The following PFKM variants were observed in gnomAD, a reference collection of about 807,000 sequenced individuals.
PFKM encodes phosphofructokinase, muscle, also known as ATP-dependent 6-phosphofructokinase, muscle type.
Under a neutral mutation model 95.5 loss-of-function variants are expected in PFKM, and 58 were observed. The observed-to-expected ratio is 0.61, with a 90% confidence interval of 0.49 to 0.76. PFKM has a LOEUF of 0.76. PFKM is among the 30% of genes least tolerant of loss of function. The pLI is 0.00. For missense variants in PFKM, 678 were observed against 1,005.4 expected, an observed-to-expected ratio of 0.67 and a Z score of 4.40; for synonymous variants, 336 against 357.2, an observed-to-expected ratio of 0.94 and a Z score of 0.67.
In PFKM at chr12:48,145,715, C is replaced by T. The variant is rs1592833899; in HGVS notation, c.*7C>T. 1 of 1,613,996 alleles carries T rather than the reference C, an allele frequency of 6.2e-7. No homozygotes were observed. Among genetic ancestry groups the T allele is most frequent in the Non-Finnish European group, 8.5e-7 (1 of 1,179,860 alleles). On this transcript the variant is annotated 3_prime_UTR_variant, in exon 23 of 23. Transcript: ENST00000359794. The surrounding 1 kb of genome is among the most constrained non-coding windows in gnomAD (Gnocchi z 4.3). Reference sequence around the variant, plus strand: ...CGGGGAAGCTGCCGTCTAAACCTCTCTGGAGTGAGGGGAATAGATTACCTG... The same window carrying T: ...CGGGGAAGCTGCCGTCTAAACCTCTTTGGAGTGAGGGGAATAGATTACCTG...
At chr12:48,105,810 G>A (rs183870969), upstream of PFKM, 3 of 593,934 alleles carry the variant, frequency 5.1e-6, no homozygotes, top group Non-Finnish European at 9.0e-6. Context: ...AACGGCCTCA[G>A]GTAGCCTAAC....
intron 3 of PFKM, among the ~76,000 whole-genome samples, chr12:48,114,353 A>G (rs1351082739): frequency 6.6e-6 from 1 of 152,210 alleles, no homozygotes; most frequent in Non-Finnish European, 1.5e-5. Context: ...AAAAAGGCAC[A>G]TGTACCCTGA....
At chr12:48,127,608 T>C (rs1229552070) in intron 2 of PFKM, among the ~76,000 whole-genome samples, 1 of 152,212 alleles carries the variant, frequency 6.6e-6, no homozygotes, top group African/African-American at 2.4e-5. Context: ...ATGCTACTCT[T>C]CCAGTTCAGG....
intron 3 of PFKM, among the ~76,000 whole-genome samples, chr12:48,112,853 T>C (rs1038700051): frequency 6.6e-6 from 1 of 152,084 alleles, no homozygotes; most frequent in Non-Finnish European, 1.5e-5. Flanking sequence ...CTTTAATCCT[T>C]TTAAAGTGTG....
At chr12:48,119,347 C>T (rs1195480828), upstream of PFKM, 1 of 984,652 alleles carries the variant, frequency 1.0e-6, no homozygotes, top group Non-Finnish European at 1.2e-6. Context: ...ATCACCCCTC[C>T]CCCCTTTCCC....
intron 2 of PFKM, chr12:48,108,065 T>A (rs775500085): frequency 6.3e-7 from 1 of 1,599,194 alleles, no homozygotes; most frequent in African/African-American, 1.3e-5. Context: ...AAGCTATTGT[T>A]TCTCAGCTGG....
intron 11 of PFKM, 45 bp downstream of exon 11, chr12:48,137,891 T>G (rs1389153468): frequency 1.2e-6 from 2 of 1,611,026 alleles, no homozygotes; most frequent in African/African-American, 2.7e-5. Context: ...CTCAAGCCCC[T>G]GCCTTGGAGC....
upstream of PFKM, among the ~76,000 whole-genome samples, chr12:48,115,306 G>C (rs564638593): frequency 6.6e-6 from 1 of 152,324 alleles, no homozygotes; most frequent in East Asian, 1.9e-4. Flanking sequence ...CAACGAGGCT[G>C]TTTATTTCAC....
intron 17 of PFKM, 152 bp downstream of exon 17, chr12:48,142,218 A>C: frequency 2.4e-6 from 2 of 835,038 alleles, no homozygotes; most frequent in Non-Finnish European, 3.9e-6. Context: ...CACACTTCTA[A>C]TCCCAGCACT....
intron 3 of PFKM, chr12:48,108,266 T>A: frequency 6.9e-7 from 1 of 1,456,530 alleles, no homozygotes; most frequent in Non-Finnish European, 9.4e-7. Context: ...TGCATAGTAT[T>A]ATAAATCAGC....
chr12:48,142,427 C>T (rs1430301454), intron 17 of PFKM: 3 of 429,312 alleles, frequency 7.0e-6, no homozygotes, highest in African/African-American at 2.0e-5. Flanking sequence ...GAGCAGAGAT[C>T]GTGCCACTTT....
At position 48,137,781 on chromosome 12, in the gene PFKM, G is replaced by C; in HGVS notation, c.997G>C (p.Ala333Pro). Residue 333 changes from alanine (A) to proline (P), a missense_variant, in exon 11 of 23, where the codon GCC becomes CCC. Physicochemically the swap from Ala to Pro is conservative, Grantham distance 27 (BLOSUM62 -1). Transcript: ENST00000359794. ...ALLEGTPDTP[A>P]CVVSLSGNQA... is the part of the protein sequence containing the mutation. ...TTTGGAGGGGACCCCAGATACCCCA[G>C]CCTGTGTAGTGAGCCTCTCTGGTAA... 1 of 1,614,178 alleles carries C rather than the reference G, an allele frequency of 6.2e-7. No individual in the cohort carries two copies. The highest frequency in any genetic ancestry group is 8.5e-7 in the Non-Finnish European group (1 of 1,179,994).
intron 20 of PFKM, 46 bp from the exon 21 acceptor site, chr12:48,144,985 T>C (rs1950904534): frequency 7.5e-7 from 1 of 1,331,012 alleles, no homozygotes; most frequent in Non-Finnish European, 1.1e-6. Flanking sequence ...TCTCTGCCAC[T>C]TCATTAGAGT....
In PFKM at chr12:48,124,152, ATATT is replaced by A. The variant is rs544222072; in HGVS notation, c.85+1298_85+1301del. On this transcript the variant is annotated intron_variant, in intron 2 of 22. Coordinates refer to ENST00000359794, the MANE Select transcript of PFKM (RefSeq NM_000289.6). Reference sequence around the variant, plus strand: ...TAGTAAAGCTAGACTTTTTAAACTAATATTTATTATAATTGTGATATAGGTTATG... The same window carrying A: ...TAGTAAAGCTAGACTTTTTAAACTAATATTATAATTGTGATATAGGTTATG... Among the ~76,000 whole-genome samples, 439 of 152,288 alleles carry A rather than the reference ATATT, an allele frequency of 2.9e-3. 1 individual carries two copies. The highest frequency in any genetic ancestry group is 0.017 in the Middle Eastern group (5 of 294).
At chr12:48,108,144 A>G (rs1354836965) in exon 3 of PFKM, 4 of 1,599,320 alleles carry the variant, frequency 2.5e-6, no homozygotes, top group Non-Finnish European at 3.4e-6. Flanking sequence ...AAGAGTCTAG[A>G]TACTATGGAT....
chr12:48,107,349 C>CT, intron 1 of PFKM: 1 of 1,515,966 alleles, frequency 6.6e-7, no homozygotes, highest in East Asian at 2.3e-5. Flanking sequence ...GGATTAAACT[C>CT]TGTCTCTATT....
In PFKM at chr12:48,120,843, G is replaced by A. The variant is rs372838189; in HGVS notation, c.-9+1437G>A. 9.2e-5 allele frequency among the ~76,000 whole-genome samples: 14 copies of A among 152,298 alleles called. No homozygotes were observed. In the South Asian group the frequency reaches 2.1e-3, roughly 23 times the overall value. ...GTCCAACCCTCTTATCAGTGCGTAC[G>A]AAACTATTAAAATGCCACATAAAGC... On this transcript the variant is annotated intron_variant, in intron 1 of 22. Transcript: ENST00000359794.
rs949867691 is a variant in PFKM, at chr12:48,140,782, G to C, written c.1252G>C (p.Ala418Pro). Residue 418 changes from alanine to proline, a missense_variant, in exon 14 of 23, where the codon GCT (alanine) becomes CCT (proline). By Grantham distance (27) the Ala-to-Pro change is conservative. Coordinates refer to ENST00000359794, the MANE Select transcript of PFKM (RefSeq NM_000289.6). ...GGCTCCGGCTGCAGGCATGAATGCTGCTGTTCGCTCCACTGTGAGGATTGG... is the reference window on the plus strand; with the variant it reads ...GGCTCCGGCTGCAGGCATGAATGCTCCTGTTCGCTCCACTGTGAGGATTGG... ...VGAPAAGMNA[A>P]VRSTVRIGLI... The C allele has an allele frequency of 6.2e-7, 1 of 1,614,190 alleles. No individual in the cohort carries two copies. Among genetic ancestry groups the C allele is most frequent in the Non-Finnish European group, 8.5e-7 (1 of 1,180,018 alleles).
upstream of PFKM, among the ~76,000 whole-genome samples, chr12:48,117,810 A>G (rs1361065616): frequency 6.6e-6 from 1 of 152,198 alleles, no homozygotes; most frequent in Non-Finnish European, 1.5e-5. Flanking sequence ...TCGGGCCACA[A>G]GTTGGTTTTA....
Sources: gnomAD v4.1 joint callset for allele counts (sites outside exome capture counted in the v4.1 genomes callset) on GRCh38, gnomAD v4.1.1 for gene constraint, Gnocchi (gnomAD v3.1) non-coding constraint, MANE v1.5 for transcripts, NCBI Gene and HGNC (gene_info 2026-07-23, HGNC 2026-07-21) for gene names.